Variants in THSD7B observed in about 807,000 individuals in gnomAD.
THSD7B encodes thrombospondin type 1 domain containing 7B.
THSD7B carries 138 observed loss-of-function variants against 213.6 expected under a neutral mutation model. The observed-to-expected ratio is 0.65, with a 90% CI of 0.56 to 0.74. The LOEUF (loss-of-function observed/expected upper bound fraction) is 0.74, where lower values mean the gene tolerates loss of function less well. Among genes scored for constraint, THSD7B ranks in the 30% least tolerant of loss-of-function variants. THSD7B has a pLI of 0.00. For missense variants in THSD7B, 1,931 were observed against 1,991.5 expected (o/e 0.97, Z 0.58); for synonymous variants, 742 against 687.0 (o/e 1.08, Z -1.25).
At chr2:137,483,218 C>T (rs925175559) in intron 15 of THSD7B, among the ~76,000 whole-genome samples, 1 of 152,194 alleles carries the variant, frequency 6.6e-6, no homozygotes, top group Admixed American at 6.5e-5. Flanking sequence ...GTTCTACGTG[C>T]ATTATCTGTT....
chr2:137,342,637 G>T (rs959819380), intron 12 of THSD7B, among the ~76,000 whole-genome samples: 3 of 151,548 alleles, frequency 2.0e-5, no homozygotes, highest in Non-Finnish European at 4.4e-5. Flanking sequence ...TATAATATTA[G>T]CTGTGGGCTT....
intron 1 of THSD7B, among the ~76,000 whole-genome samples, chr2:136,839,739 T>C (rs1682895636): frequency 6.6e-6 from 1 of 152,232 alleles, no homozygotes; most frequent in Non-Finnish European, 1.5e-5. Context: ...TCTTCCTTTT[T>C]TTTCTGCTGG....
chr2:136,897,335 C>G (rs1409274972), intron 2 of THSD7B, among the ~76,000 whole-genome samples: 1 of 152,042 alleles, frequency 6.6e-6, no homozygotes. Flanking sequence ...TCAGATGTAT[C>G]CGGAGTTTCT....
chr2:137,018,226 T>G (rs1686378664), intron 2 of THSD7B, among the ~76,000 whole-genome samples: 1 of 152,128 alleles, frequency 6.6e-6, no homozygotes, highest in African/African-American at 2.4e-5. Flanking sequence ...TAGATAAAAT[T>G]TTAAACTTCA....
intron 21 of THSD7B, among the ~76,000 whole-genome samples, chr2:137,646,650 TTAATAATAATAATAA>T (rs147054450): frequency 5.4e-5 from 7 of 130,204 alleles, no homozygotes; most frequent in Non-Finnish European, 1.2e-4. Context: ...ACACTCCATC[TTAATAATAATAATAA>T]TAATAATAAT....
intron 16 of THSD7B, among the ~76,000 whole-genome samples, chr2:137,563,566 A>G (rs1187595674): frequency 1.3e-5 from 2 of 152,148 alleles, no homozygotes; most frequent in African/African-American, 2.4e-5. Flanking sequence ...ACAATCCTTT[A>G]GCGTATCCTG....
At chr2:137,555,432 G>A (rs185113403) in intron 15 of THSD7B, among the ~76,000 whole-genome samples, 1 of 152,200 alleles carries the variant, frequency 6.6e-6, no homozygotes, top group Admixed American at 6.5e-5. Flanking sequence ...CAGGCAAACA[G>A]GGCCTGGAGT....
intron 2 of THSD7B, among the ~76,000 whole-genome samples, chr2:136,997,094 A>G (rs1374577186): frequency 6.6e-6 from 1 of 152,222 alleles, no homozygotes; most frequent in Non-Finnish European, 1.5e-5. Context: ...ATTACCACCA[A>G]ATTAGTCCCA....
chr2:137,473,000 T>C (rs1688122200), intron 15 of THSD7B, among the ~76,000 whole-genome samples: 1 of 152,048 alleles, frequency 6.6e-6, no homozygotes, highest in South Asian at 2.1e-4. Context: ...ACTGTGAAAC[T>C]CCTAAGCTTA....
chr2:137,095,823 G>C (rs1688030031), intron 4 of THSD7B, among the ~76,000 whole-genome samples: 1 of 152,088 alleles, frequency 6.6e-6, no homozygotes, highest in Admixed American at 6.6e-5. Context: ...AGCCTCTCGA[G>C]TAGCTGGGAC....
chr2:136,809,853 G>T (rs1682347892), intron 1 of THSD7B, among the ~76,000 whole-genome samples: 1 of 152,104 alleles, frequency 6.6e-6, no homozygotes, highest in Non-Finnish European at 1.5e-5. Context: ...TGAAAAAAGT[G>T]CCAGCCAACA....
intron 15 of THSD7B, among the ~76,000 whole-genome samples, chr2:137,466,422 C>T (rs1687991449): frequency 6.6e-6 from 1 of 152,034 alleles, no homozygotes; most frequent in Non-Finnish European, 1.5e-5. Flanking sequence ...TGCCTGTGGC[C>T]CAGGACGGCT....
At chr2:137,633,757 A>G (rs1682784023) in intron 20 of THSD7B, among the ~76,000 whole-genome samples, 2 of 152,130 alleles carry the variant, frequency 1.3e-5, no homozygotes, top group South Asian at 4.1e-4. Flanking sequence ...AGAGTGAAGA[A>G]AGCAGGATAA....
In THSD7B at chr2:137,304,603, C is replaced by T. The variant is rs1326140377; in HGVS notation, c.2500+28577C>T. On this transcript the variant is annotated intron_variant, in intron 12 of 27. Coordinates refer to ENST00000409968, the MANE Select transcript of THSD7B (RefSeq NM_001316349.2). ...CAAATTACACTTGACTTCATATTAT[C>T]AGTAGGCCCCCTCATCCTTTTGCAG... 2.6e-5 allele frequency among the ~76,000 whole-genome samples: 4 copies of T among 152,054 alleles called. No individual in the cohort carries two copies. The East Asian group carries it at 7.7e-4, about 29-fold the overall frequency.
intron 15 of THSD7B, among the ~76,000 whole-genome samples, chr2:137,484,290 G>A (rs1046826680): frequency 7.6e-4 from 114 of 149,594 alleles, no homozygotes; most frequent in African/African-American, 2.5e-3. Context: ...TTGTTCTTGC[G>A]ATAGTTTACT....
rs370488681 is a variant in THSD7B at position 137,285,035 on chromosome 2, A to T, written c.2500+9009A>T. Among the ~76,000 whole-genome samples the T allele has an allele frequency of 4.6e-5, 7 of 152,090 alleles. No homozygotes were observed. In the East Asian group the frequency reaches 5.8e-4, roughly 13 times the overall value. On this transcript the variant is annotated intron_variant, in intron 12 of 27. Transcript: ENST00000409968. ...TCCCATTATTATTGTGTGGGAGTCT[A>T]AGTCTCTTCGTAGGTCACTAAGGAC...
At chr2:137,673,003 G>A (rs760263744) in intron 27 of THSD7B, among the ~76,000 whole-genome samples, 3 of 152,168 alleles carry the variant, frequency 2.0e-5, no homozygotes, top group Non-Finnish European at 2.9e-5. Context: ...GCCTGGCCCA[G>A]CACAGTTCTG....
chr2:137,267,548 C>T (rs942624559), intron 10 of THSD7B, among the ~76,000 whole-genome samples: 1 of 145,240 alleles, frequency 6.9e-6, no homozygotes, highest in South Asian at 2.4e-4. Context: ...CTTCATCATA[C>T]TATAAAGTCT....
intron 17 of THSD7B, among the ~76,000 whole-genome samples, chr2:137,586,097 CTTTGTCTCT>C (rs1681720373): frequency 6.6e-6 from 1 of 152,112 alleles, no homozygotes; most frequent in Non-Finnish European, 1.5e-5. Flanking sequence ...TAATGGCCTT[CTTTGTCTCT>C]TTTGATCTTT....
Sources: gnomAD v4.1 joint callset for allele counts (sites outside exome capture counted in the v4.1 genomes callset) on GRCh38, gnomAD v4.1.1 for gene constraint, MANE v1.5 for transcripts, NCBI Gene and HGNC (gene_info 2026-07-23, HGNC 2026-07-21) for gene names.